The following IARS1 variants were observed in gnomAD, a reference collection of about 807,000 sequenced individuals.
IARS1 encodes isoleucyl-tRNA synthetase 1.
Under a neutral mutation model 168.2 loss-of-function variants are expected in IARS1, and 124 were observed. That is an observed-to-expected ratio of 0.74 (90% confidence interval 0.64 to 0.86). IARS1 has a LOEUF of 0.86. IARS1 is among the 40% of genes least tolerant of loss of function. IARS1 has a pLI of 0.00. For synonymous variants in IARS1, 532 were observed against 529.4 expected (o/e 1.00, Z -0.07); for missense variants, 1,452 against 1,515.8 (o/e 0.96, Z 0.70).
rs751330825 is a variant in IARS1 at position 92,251,815 on chromosome 9, C to T, written c.2300G>A (p.Arg767Lys). The change falls in exon 22 of 34, where the codon AGA becomes AAA. Residue 767 changes from arginine (R) to lysine (K), a missense_variant. Coordinates refer to ENST00000443024, the MANE Select transcript of IARS1 (RefSeq NM_002161.6). ...AGAAGCCAATCATCTTACCATAAGT[C>T]TGCAAAGAGAAAGCAGAACACTAAA... ...TLFSVLLSLC[R>K]LMAPYTPFLT... 8.7e-6 allele frequency: 14 copies of T among 1,613,486 alleles called. No homozygotes were observed. The South Asian group carries it at 1.5e-4, about 18-fold the overall frequency.
At chr9:92,263,775 C>T (rs938465151) in intron 16 of IARS1, among the ~76,000 whole-genome samples, 4 of 152,206 alleles carry the variant, frequency 2.6e-5, no homozygotes, top group Admixed American at 1.3e-4. Flanking sequence ...ACCAAGGACA[C>T]GGGATCCACA....
At chr9:92,272,877 A>C (rs1307922902) in intron 10 of IARS1, among the ~76,000 whole-genome samples, 5 of 148,192 alleles carry the variant, frequency 3.4e-5, no homozygotes, top group East Asian at 2.0e-4. Context: ...AAAAAAAAAA[A>C]AAAAAAAAAA....
At chr9:92,251,190 T>TG (rs1316151833) in intron 22 of IARS1, 5 of 462,016 alleles carry the variant, frequency 1.1e-5, no homozygotes, top group Non-Finnish European at 2.2e-5. Context: ...CTTCACAGGA[T>TG]GGAGGTGATG....
At chr9:92,289,149 G>T in intron 2 of IARS1, 152 bp downstream of exon 2, 1 of 484,052 alleles carries the variant, frequency 2.1e-6, no homozygotes. Context: ...AGAGGTAGCA[G>T]TGAGCAGAGA....
chr9:92,280,989 T>G (rs1229627961), intron 6 of IARS1, 96 bp from the exon 7 acceptor site: 2 of 800,942 alleles, frequency 2.5e-6, no homozygotes, highest in Non-Finnish European at 3.7e-6. Flanking sequence ...AAATAAATCT[T>G]CAGGGTAAAC....
At chr9:92,290,410 T>C (rs961800740) in intron 1 of IARS1, among the ~76,000 whole-genome samples, 1 of 152,216 alleles carries the variant, frequency 6.6e-6, no homozygotes, top group Non-Finnish European at 1.5e-5. Flanking sequence ...GTGGTTGGGT[T>C]TTAAGGGTTA....
Position 92,288,097 on chromosome 9 carries a change from A to G in IARS1, c.276+29T>C, listed in dbSNP as rs758840521. 13 of 1,590,026 alleles carry G rather than the reference A, an allele frequency of 8.2e-6. No homozygotes were observed. In the Admixed American group the frequency reaches 1.1e-4, roughly 14 times the overall value. ...TCTAATGCTTATAAAAAAAATCAGAAAATTATAAAGCTGGATACTCAAACA... is the reference window on the plus strand; with the variant it reads ...TCTAATGCTTATAAAAAAAATCAGAGAATTATAAAGCTGGATACTCAAACA... On this transcript the variant is annotated intron_variant, in intron 3 of 33. Transcript: ENST00000443024.
Position 92,271,081 on chromosome 9 carries a change from TA to T in IARS1, c.1114-6del, listed in dbSNP as rs754939823. 30 of 1,576,960 alleles carry T rather than the reference TA, an allele frequency of 1.9e-5. No individual in the cohort carries two copies. The highest frequency in any genetic ancestry group is 7.3e-5 in the Admixed American group (4 of 55,106). On this transcript the variant is annotated splice_polypyrimidine_tract_variant and splice_region_variant and intron_variant, in intron 11 of 33. Coordinates refer to ENST00000443024, the MANE Select transcript of IARS1 (RefSeq NM_002161.6). ...GATGATACTTTTGTCAGCATCCTAT[TA>T]AAAAAAATTAAAATTTAGCCATTAA...
At chr9:92,228,193 G>A (rs1027297858) in intron 31 of IARS1, among the ~76,000 whole-genome samples, 15 of 152,148 alleles carry the variant, frequency 9.9e-5, no homozygotes, top group Non-Finnish European at 1.0e-4. Context: ...AGGGGCCCAC[G>A]CTACTCCAGT....
At chr9:92,223,957 C>T (rs1327036043) in intron 31 of IARS1, among the ~76,000 whole-genome samples, 1 of 152,198 alleles carries the variant, frequency 6.6e-6, no homozygotes, top group African/African-American at 2.4e-5. Flanking sequence ...GATGCATGCG[C>T]AGGCAGATGA....
rs372931568 is a variant in IARS1 at position 92,247,373 on chromosome 9, C to G, written c.2791+4G>C. ...ATGGTGCCCTTGTCTGTGTAGACAC[C>G]TACCAGTCTTCTGGAACTGCTCCAG... On this transcript the variant is annotated splice_donor_region_variant and intron_variant, in intron 26 of 33. Transcript: ENST00000443024. The G allele has an allele frequency of 7.8e-5, 126 of 1,612,886 alleles. No individual in the cohort carries two copies. The highest frequency in any genetic ancestry group is 1.1e-4 in the Non-Finnish European group (124 of 1,179,490).
At position 92,271,667 on chromosome 9, in the gene IARS1, C is replaced by T; in HGVS notation, c.991-12G>A. On this transcript the variant is annotated splice_polypyrimidine_tract_variant and intron_variant, in intron 10 of 33. Transcript: ENST00000443024. ...ACCCGATAGTCCTCCTGAGAAAAGGCAAAAGAGAGGGAAGAATAAAACAGT... is the reference window on the plus strand; with the variant it reads ...ACCCGATAGTCCTCCTGAGAAAAGGTAAAAGAGAGGGAAGAATAAAACAGT... 6.2e-7 allele frequency: 1 copy of T among 1,613,782 alleles called. No individual in the cohort carries two copies. Among genetic ancestry groups the T allele is most frequent in the East Asian group, 2.2e-5 (1 of 44,858 alleles).
chr9:92,253,883 TA>T (rs1452008202), intron 20 of IARS1: 2 of 470,324 alleles, frequency 4.3e-6, no homozygotes, highest in Non-Finnish European at 8.5e-6. Context: ...ATTCAGATGC[TA>T]AGAGGCACAG....
At chr9:92,279,467 G>A (rs533585927) in intron 7 of IARS1, among the ~76,000 whole-genome samples, 6 of 152,322 alleles carry the variant, frequency 3.9e-5, no homozygotes, top group Admixed American at 1.3e-4. Flanking sequence ...GCAGACACCT[G>A]AGCCAGGCCT....
intron 9 of IARS1, among the ~76,000 whole-genome samples, 170 bp from the exon 10 acceptor site, chr9:92,274,691 C>T (rs141834155): frequency 6.3e-4 from 96 of 152,290 alleles, no homozygotes; most frequent in African/African-American, 2.1e-3. Flanking sequence ...TAATTCAATA[C>T]ATTTTTCCCA....
rs774528454 is a variant in IARS1 at position 92,268,209 on chromosome 9, G to A, written c.1396C>T (p.Pro466Ser). ...TCATCGCTGACCCACAGTGGGATGG[G>A]GGTGCCCCAGTATCTGTTTCTGGAA... Reference protein sequence around the residue: ...TISRNRYWGTPIPLWVSDDFE... With the variant: ...TISRNRYWGTSIPLWVSDDFE... The change falls in exon 14 of 34, where the codon CCC becomes TCC. Residue 466 changes from proline (P) to serine (S), a missense_variant. Transcript: ENST00000443024. 6.2e-7 allele frequency: 1 copy of A among 1,610,324 alleles called. No individual in the cohort carries two copies. The highest frequency in any genetic ancestry group is 8.5e-7 in the Non-Finnish European group (1 of 1,179,092).
chr9:92,216,215 C>T (rs1787734672), intron 33 of IARS1, among the ~76,000 whole-genome samples: 1 of 149,378 alleles, frequency 6.7e-6, no homozygotes, highest in African/African-American at 2.5e-5. Flanking sequence ...TACAGACAAG[C>T]AAATGCTGAG....
intron 10 of IARS1, 83 bp from the exon 11 acceptor site, chr9:92,271,738 G>A: frequency 7.1e-7 from 1 of 1,409,198 alleles, no homozygotes; most frequent in Non-Finnish European, 1.0e-6. Flanking sequence ...CAAGATAATT[G>A]TTCTATATTG....
At chr9:92,288,668 G>A (rs183037153) in intron 2 of IARS1, among the ~76,000 whole-genome samples, 1 of 152,078 alleles carries the variant, frequency 6.6e-6, no homozygotes, top group African/African-American at 2.4e-5. Flanking sequence ...AGGACTAAAG[G>A]CAGGTAGTAC....
Sources: gnomAD v4.1 joint callset for allele counts (sites outside exome capture counted in the v4.1 genomes callset) on GRCh38, gnomAD v4.1.1 for gene constraint, MANE v1.5 for transcripts, NCBI Gene and HGNC (gene_info 2026-07-23, HGNC 2026-07-21) for gene names.